Variants in CACNA1C observed in about 807,000 individuals in gnomAD.
CACNA1C encodes the protein calcium voltage-gated channel subunit alpha1 C.
CACNA1C carries 30 observed loss-of-function variants against 229.0 expected under a neutral mutation model. That is an observed-to-expected ratio of 0.13 (90% CI 0.10 to 0.18). CACNA1C has a LOEUF of 0.18. Among genes scored for constraint, CACNA1C ranks in the 10% least tolerant of loss-of-function variants. The pLI, the probability that CACNA1C is intolerant of heterozygous loss-of-function variation, is 1.00. For missense variants in CACNA1C, 1,658 were observed against 2,845.0 expected (o/e 0.58, Z 9.49); for synonymous variants, 1,114 against 1,132.5 (o/e 0.98, Z 0.33).
intron 1 of CACNA1C, among the ~76,000 whole-genome samples, chr12:2,006,793 TCTGA>T (rs1267500263): frequency 6.6e-6 from 1 of 152,232 alleles, no homozygotes; most frequent in Non-Finnish European, 1.5e-5. Flanking sequence ...TCATTTGCAG[TCTGA>T]CTGAGAACAT....
chr12:2,184,174 G>A (rs774607333), intron 3 of CACNA1C, among the ~76,000 whole-genome samples: 10 of 152,252 alleles, frequency 6.6e-5, no homozygotes, highest in Admixed American at 1.3e-4. Context: ...TCAGGTGTGC[G>A]TGTTGAAAGC....
rs190706197 is a variant in CACNA1C, at chr12:2,180,794, G to T, written c.477+60364G>T. On this transcript the variant is annotated intron_variant, in intron 3 of 46. Coordinates refer to ENST00000399655, the MANE Select transcript of CACNA1C (RefSeq NM_000719.7). Reference sequence around the variant, plus strand: ...AGTTTTTATCATTTTCAAAATGAGGGTTGTTGGAAATGTCAAATGGTTGTT... The same window carrying T: ...AGTTTTTATCATTTTCAAAATGAGGTTTGTTGGAAATGTCAAATGGTTGTT... 4.1e-3 allele frequency among the ~76,000 whole-genome samples: 618 copies of T among 152,230 alleles called. 2 individuals carry two copies. The highest frequency in any genetic ancestry group is 6.5e-3 in the Non-Finnish European group (443 of 68,016).
Position 2,126,975 on chromosome 12 carries a change from G to A in CACNA1C, c.477+6545G>A, listed in dbSNP as rs1236829948. 2.0e-5 allele frequency among the ~76,000 whole-genome samples: 3 copies of A among 152,196 alleles called. No homozygotes were observed. The South Asian group carries it at 6.2e-4, about 32-fold the overall frequency. On this transcript the variant is annotated intron_variant, in intron 3 of 46. Coordinates refer to ENST00000399655, the MANE Select transcript of CACNA1C (RefSeq NM_000719.7). Reference sequence around the variant, plus strand: ...AGGGTGGGAAAGAAGAGACCAAAACGCTGTGCTTTTTGGCAGCTGTGACCC... The same window carrying A: ...AGGGTGGGAAAGAAGAGACCAAAACACTGTGCTTTTTGGCAGCTGTGACCC...
At position 2,135,825 on chromosome 12, in the gene CACNA1C, T is replaced by C. The variant is rs1403214940; in HGVS notation, c.477+15395T>C. ...GCAGGCAGGCCTCCTTGAGCTGTGG[T>C]AGGCTCCACCCAGTTCGAGCTTCCC... is the stretch of plus-strand genomic sequence containing the variant. On this transcript the variant is annotated intron_variant, in intron 3 of 46. Transcript: ENST00000399655. Among the ~76,000 whole-genome samples, 8 of 146,592 alleles carry C rather than the reference T, an allele frequency of 5.5e-5. 2 individuals are homozygous for C. The highest frequency in any genetic ancestry group is 2.1e-4 in the African/African-American group (8 of 37,348).
chr12:2,058,070 C>T (rs779923835), intron 1 of CACNA1C, among the ~76,000 whole-genome samples: 1 of 152,182 alleles, frequency 6.6e-6, no homozygotes, highest in Non-Finnish European at 1.5e-5. Context: ...GAGATTTGTT[C>T]TAATTTCCAG....
At chr12:2,166,367 G>A (rs1254075272) in intron 3 of CACNA1C, among the ~76,000 whole-genome samples, 1 of 152,254 alleles carries the variant, frequency 6.6e-6, no homozygotes. Context: ...ATGTGCTCAG[G>A]TTAACTTTAC....
chr12:2,143,233 G>C (rs907185921), intron 3 of CACNA1C, among the ~76,000 whole-genome samples: 1 of 151,254 alleles, frequency 6.6e-6, no homozygotes, highest in Admixed American at 6.7e-5. Flanking sequence ...CTCCCAAAGT[G>C]CTGGGATTCC....
intron 1 of CACNA1C, among the ~76,000 whole-genome samples, chr12:2,018,444 A>G (rs1366307004): frequency 1.3e-5 from 2 of 152,124 alleles, no homozygotes; most frequent in African/African-American, 2.4e-5. Flanking sequence ...TGAAAATTTA[A>G]CAATATTCTC....
At chr12:2,189,978 T>G (rs990175012) in intron 3 of CACNA1C, among the ~76,000 whole-genome samples, 31 of 152,186 alleles carry the variant, frequency 2.0e-4, no homozygotes, top group African/African-American at 7.2e-4. Flanking sequence ...TACACCTGAG[T>G]GAAGCATCTT....
Position 2,067,486 on chromosome 12 carries a change from G to GCA in CACNA1C, c.49+13876_49+13877insAC, listed in dbSNP as rs1487999490. On this transcript the variant is annotated intron_variant, in intron 1 of 46. Transcript: ENST00000399655. The surrounding 1 kb of genome is among the most constrained non-coding windows in gnomAD (Gnocchi z 5.3). The stretch of plus-strand genomic sequence containing the variant: ...TGTGTGTGTGTGTGTGTGTGTGCGC[G>GCA]CGTGTGCGTGCCTGTATGTAAGGGC... 2.2e-4 allele frequency among the ~76,000 whole-genome samples: 34 copies of GCA among 151,500 alleles called. No homozygotes were observed. The highest frequency in any genetic ancestry group is 4.6e-4 in the Non-Finnish European group (31 of 67,732).
At chr12:2,336,022 C>CAAAA (rs34731308) in intron 3 of CACNA1C, among the ~76,000 whole-genome samples, 2 of 92,562 alleles carry the variant, frequency 2.2e-5, no homozygotes, top group Admixed American at 1.2e-4. Context: ...AAAACAACTC[C>CAAAA]AAAAAAAAAA....
chr12:2,684,316 G>A (rs2097332158), intron 43 of CACNA1C, among the ~76,000 whole-genome samples: 1 of 152,174 alleles, frequency 6.6e-6, no homozygotes, highest in South Asian at 2.1e-4. Context: ...AAATGGGACG[G>A]TGGGGGTGAC....
Position 2,697,701 on chromosome 12 carries a change from T to C in CACNA1C, c.*6502T>C, listed in dbSNP as rs1386062251. 2.6e-5 allele frequency: 4 copies of C among 151,996 alleles called. No individual in the cohort carries two copies. Among genetic ancestry groups the C allele is most frequent in the South Asian group, 2.1e-4 (1 of 4,812 alleles). The allele number at this position is 151,996 out of a possible 1,614,324, so 9.4% of individuals were successfully genotyped here. On this transcript the variant is annotated 3_prime_UTR_variant, in exon 47 of 47. Coordinates refer to ENST00000399655, the MANE Select transcript of CACNA1C (RefSeq NM_000719.7). ...CACAGTCTTACTGTTGTAAATATCA[T>C]TGTACAGTTTGTAATCCTCAAATAA...
At chr12:2,333,097 G>T (rs958716059) in intron 3 of CACNA1C, among the ~76,000 whole-genome samples, 2 of 152,188 alleles carry the variant, frequency 1.3e-5, no homozygotes, top group African/African-American at 4.8e-5. Flanking sequence ...AAGACTCCGT[G>T]GGGGAAGAGG....
chr12:2,534,100 G>A (rs2099847454), intron 9 of CACNA1C, among the ~76,000 whole-genome samples: 1 of 152,096 alleles, frequency 6.6e-6, no homozygotes, highest in Admixed American at 6.5e-5. Flanking sequence ...TGCATGTGGG[G>A]GAGTGGTGGG....
At chr12:2,186,761 C>G (rs1051420352) in intron 3 of CACNA1C, among the ~76,000 whole-genome samples, 1 of 152,286 alleles carries the variant, frequency 6.6e-6, no homozygotes, top group Admixed American at 6.5e-5. Flanking sequence ...TTAATCCTTT[C>G]GACAATCCGA....
At chr12:2,534,722 T>G (rs1385998921) in intron 9 of CACNA1C, among the ~76,000 whole-genome samples, 1 of 152,230 alleles carries the variant, frequency 6.6e-6, no homozygotes, top group Non-Finnish European at 1.5e-5. Flanking sequence ...GATCTTCCCC[T>G]GCAGTTCTCC....
intron 3 of CACNA1C, among the ~76,000 whole-genome samples, chr12:2,432,834 G>A (rs2099099333): frequency 1.3e-5 from 2 of 152,084 alleles, no homozygotes; most frequent in Admixed American, 1.3e-4. Context: ...ATCCCTTCCA[G>A]CTAGAATGCT....
chr12:2,403,443 C>T lies in CACNA1C; in HGVS notation c.478-45533C>T, dbSNP rs1438235951. On this transcript the variant is annotated intron_variant, in intron 3 of 46. Coordinates refer to ENST00000399655, the MANE Select transcript of CACNA1C (RefSeq NM_000719.7). The surrounding 1 kb of genome is among the most constrained non-coding windows in gnomAD (Gnocchi z 4.1). ...GGTTTAGAAGTCAAGGAGGAAGCTGCAGGCACGTGACTCCTGCACTGGCCT... is the reference window on the plus strand; with the variant it reads ...GGTTTAGAAGTCAAGGAGGAAGCTGTAGGCACGTGACTCCTGCACTGGCCT... Among the ~76,000 whole-genome samples, 1 of 152,158 alleles carries T rather than the reference C, an allele frequency of 6.6e-6. No individual in the cohort carries two copies. The highest frequency in any genetic ancestry group is 1.9e-4 in the East Asian group (1 of 5,198).
Sources: allele counts gnomAD v4.1 joint callset (sites outside exome capture counted in the v4.1 genomes callset), GRCh38; gene constraint gnomAD v4.1.1; non-coding constraint Gnocchi (gnomAD v3.1); transcripts MANE v1.5; gene names NCBI Gene and HGNC (gene_info 2026-07-23, HGNC 2026-07-21).